The following KALRN variants were observed in gnomAD, a reference collection of about 807,000 sequenced individuals.
KALRN encodes the protein kalirin RhoGEF kinase, also known as kalirin.
Under a neutral mutation model 353.7 loss-of-function variants are expected in KALRN, and 70 were observed. That is an observed-to-expected ratio of 0.20 (90% CI 0.16 to 0.24). KALRN has a LOEUF of 0.24. KALRN is among the 10% of genes least tolerant of loss of function. KALRN has a pLI of 1.00. For synonymous variants in KALRN, 1,391 were observed against 1,434.8 expected, an observed-to-expected ratio of 0.97 and a Z score of 0.69; for missense variants, 2,791 against 3,756.7, an observed-to-expected ratio of 0.74 and a Z score of 6.72.
At chr3:124,575,114 G>A (rs2073960511) in intron 34 of KALRN, among the ~76,000 whole-genome samples, 1 of 152,238 alleles carries the variant, frequency 6.6e-6, no homozygotes, top group South Asian at 2.1e-4. Flanking sequence ...TGCCCTATGG[G>A]CAGTTACTGA....
intron 1 of KALRN, among the ~76,000 whole-genome samples, chr3:124,134,533 ATT>A (rs1219248015): frequency 6.6e-6 from 1 of 152,206 alleles, no homozygotes; most frequent in African/African-American, 2.4e-5. Context: ...CTGGGACCTA[ATT>A]AAACTAAAGA....
chr3:124,345,884 G>T (rs59682835), intron 9 of KALRN, among the ~76,000 whole-genome samples: 2,050 of 152,238 alleles, frequency 0.013, 36 homozygotes, highest in African/African-American at 0.045. Flanking sequence ...GTAGTCAATG[G>T]AATGATTTGG....
chr3:124,233,158 T>G (rs1402577130), intron 2 of KALRN, among the ~76,000 whole-genome samples: 2 of 152,038 alleles, frequency 1.3e-5, no homozygotes, highest in Non-Finnish European at 2.9e-5. Context: ...GTTCCAAGAC[T>G]CTACTTGTAT....
intron 17 of KALRN, among the ~76,000 whole-genome samples, chr3:124,437,689 CAAAAAAAAAAAAA>C (rs397876079): frequency 6.2e-5 from 3 of 48,328 alleles, no homozygotes; most frequent in African/African-American, 8.5e-5. Flanking sequence ...GATTCCGTCT[CAAAAAAAAAAAAA>C]AAAAAAAAAA....
At chr3:124,039,036 G>C (rs1157664829) in intron 1 of KALRN, among the ~76,000 whole-genome samples, 2 of 152,150 alleles carry the variant, frequency 1.3e-5, no homozygotes, top group Non-Finnish European at 2.9e-5. Context: ...ACTCCAAATT[G>C]GACCTGCAGA....
Position 124,563,058 on chromosome 3 carries a change from G to A in KALRN, c.5151G>A (p.Val1717=), listed in dbSNP as rs778760660. 6 of 1,367,716 alleles carry A rather than the reference G, an allele frequency of 4.4e-6. No homozygotes were observed. The South Asian group carries it at 6.8e-5, about 16-fold the overall frequency. 84.7% of individuals were successfully genotyped at this position (1,367,716 alleles called of 1,614,324 possible). A position where few individuals can be genotyped will look rare whatever the true frequency, so the allele number is the denominator to read the frequency against. Residue 1717 remains valine, a synonymous_variant, in exon 34 of 60, where the codon GTG becomes GTA. Transcript: ENST00000682506. ...GCATCTCACACTCCCGAAGCAGCGT[G>A]GAGATGGACTGCTTCTTCCCCTTGG... ...ALCISHSRSS[V]EMDCFFPLVK...
chr3:124,243,167 T>C (rs1320181590), intron 3 of KALRN, among the ~76,000 whole-genome samples: 1 of 152,208 alleles, frequency 6.6e-6, no homozygotes, highest in African/African-American at 2.4e-5. Context: ...CTGGAATTAG[T>C]GCTCAGTTAA....
At chr3:124,399,019 G>C in intron 13 of KALRN, 148 bp downstream of exon 13, 1 of 749,684 alleles carries the variant, frequency 1.3e-6, no homozygotes, top group Non-Finnish European at 2.1e-6. Flanking sequence ...GTCCACCATG[G>C]CATATTCCTT....
In KALRN at chr3:124,723,955, C is replaced by T. The variant is rs1044314958; in HGVS notation, c.*4485C>T. The T allele has an allele frequency of 6.6e-6, 1 of 151,470 alleles. No homozygotes were observed. The highest frequency in any genetic ancestry group is 1.5e-5 in the Non-Finnish European group (1 of 67,878). 9.4% of individuals were successfully genotyped at this position (151,470 alleles called of 1,614,324 possible). Reference sequence around the variant, plus strand: ...CACAGCCTCACAGGAATCTAAGAGACAAATTAAATGCACAGGCAAATTAAA... The same window carrying T: ...CACAGCCTCACAGGAATCTAAGAGATAAATTAAATGCACAGGCAAATTAAA... On this transcript the variant is annotated 3_prime_UTR_variant, in exon 60 of 60. Coordinates refer to ENST00000682506, the MANE Select transcript of KALRN (RefSeq NM_001388419.1).
intron 34 of KALRN, among the ~76,000 whole-genome samples, chr3:124,583,877 C>T (rs1252321730): frequency 2.0e-5 from 3 of 152,042 alleles, no homozygotes; most frequent in Admixed American, 6.6e-5. Context: ...ATTCTACCAT[C>T]GGCTGTATGT....
chr3:124,639,769 C>A (rs770155598), intron 37 of KALRN, among the ~76,000 whole-genome samples: 17 of 152,176 alleles, frequency 1.1e-4, no homozygotes, highest in Non-Finnish European at 1.6e-4. Context: ...AAGGATATAA[C>A]TTCTTCCAGC....
intron 34 of KALRN, among the ~76,000 whole-genome samples, chr3:124,569,299 C>T (rs557398592): frequency 5.9e-5 from 9 of 152,266 alleles, no homozygotes; most frequent in African/African-American, 2.2e-4. Flanking sequence ...CCTACTTGGC[C>T]TCAGGAACAG....
intron 33 of KALRN, among the ~76,000 whole-genome samples, chr3:124,498,897 A>T (rs2108603813): frequency 6.6e-6 from 1 of 151,932 alleles, no homozygotes; most frequent in South Asian, 2.1e-4. Context: ...ACTATACTAG[A>T]TGGCCAGGGA....
At chr3:124,574,834 G>A (rs959523315) in intron 34 of KALRN, among the ~76,000 whole-genome samples, 7 of 152,206 alleles carry the variant, frequency 4.6e-5, no homozygotes, top group African/African-American at 1.7e-4. Context: ...CTCAGGGAAG[G>A]GCAGAGATGG....
chr3:124,704,841 C>T (rs148039415), intron 57 of KALRN, among the ~76,000 whole-genome samples: 1,529 of 152,300 alleles, frequency 0.01, 25 homozygotes, highest in Non-Finnish European at 0.01. Context: ...TGAGCCACCC[C>T]ACCAGGCCCA....
At chr3:124,703,817 C>G (rs1158246530) in intron 57 of KALRN, among the ~76,000 whole-genome samples, 1 of 151,600 alleles carries the variant, frequency 6.6e-6, no homozygotes, top group Non-Finnish European at 1.5e-5. Context: ...CCATACCTGG[C>G]AAACTTTTAA....
chr3:124,628,783 T>G (rs1360544891), intron 34 of KALRN, among the ~76,000 whole-genome samples: 1 of 131,584 alleles, frequency 7.6e-6, no homozygotes, highest in Non-Finnish European at 1.5e-5. Flanking sequence ...AGAGACGGAG[T>G]CTTGCCATGA....
chr3:124,107,192 A>G (rs1402156899), intron 1 of KALRN, among the ~76,000 whole-genome samples: 1 of 152,190 alleles, frequency 6.6e-6, no homozygotes, highest in African/African-American at 2.4e-5. Context: ...GACTATTTTA[A>G]GCTTGTCTCA....
intron 1 of KALRN, among the ~76,000 whole-genome samples, chr3:124,044,946 G>T (rs1468077473): frequency 8.3e-6 from 1 of 121,004 alleles, no homozygotes; most frequent in Admixed American, 9.5e-5. Flanking sequence ...CATTCATTTG[G>T]TAACAGTGTG....
Sources: allele counts gnomAD v4.1 joint callset (sites outside exome capture counted in the v4.1 genomes callset), GRCh38; gene constraint gnomAD v4.1.1; transcripts MANE v1.5; gene names NCBI Gene and HGNC (gene_info 2026-07-23, HGNC 2026-07-21).